MAIP1: variants seen among roughly 807,000 people sequenced by gnomAD.
MAIP1 encodes the protein m-AAA protease-interacting protein 1, mitochondrial.
MAIP1 carries 28 observed loss-of-function variants against 31.2 expected under a neutral mutation model. The observed-to-expected ratio is 0.90, with a 90% CI of 0.67 to 1.23. The LOEUF (loss-of-function observed/expected upper bound fraction) is 1.23. Ranked by LOEUF, MAIP1 falls within the 50% of genes most tolerant of loss-of-function variation. The pLI is 0.00. For missense variants in MAIP1, 339 were observed against 356.0 expected (o/e 0.95, Z 0.38); for synonymous variants, 142 against 142.3 (o/e 1.00, Z 0.02).
rs1393768587 is a variant in MAIP1 at position 199,961,797 on chromosome 2, C to T, written c.666C>T (p.Asn222=). Residue 222 remains asparagine (N), a synonymous_variant, in exon 4 of 5, where the codon AAC becomes AAT. Transcript: ENST00000392290. ...YYDEKGRKFV[N]ILMCFWYLTS... ...TTCTCTAAGGAAGGAAGTTTGTTAA[C>T]ATCCTGATGTGCTTTTGGTATCTAA... 3 of 1,612,734 alleles carry T rather than the reference C, an allele frequency of 1.9e-6. No homozygotes were observed. The highest frequency in any genetic ancestry group is 4.5e-5 in the East Asian group (2 of 44,840).
chr2:199,963,013 A>C (rs2077644533), intron 4 of MAIP1, among the ~76,000 whole-genome samples: 1 of 152,182 alleles, frequency 6.6e-6, no homozygotes, highest in Non-Finnish European at 1.5e-5. Context: ...CTAAGGTAAA[A>C]GAGAATTATA....
At chr2:199,956,707 A>G (rs1169366022) in intron 1 of MAIP1, among the ~76,000 whole-genome samples, 1 of 152,234 alleles carries the variant, frequency 6.6e-6, no homozygotes, top group African/African-American at 2.4e-5. Context: ...AATAATTGAG[A>G]TAACATTTCC....
In MAIP1 at chr2:199,959,869, A is replaced by G. The variant is rs769958661; in HGVS notation, c.638A>G (p.Tyr213Cys). The G allele has an allele frequency of 1.9e-6, 3 of 1,612,200 alleles. No homozygotes were observed. The highest frequency in any genetic ancestry group is 2.2e-5 in the South Asian group (2 of 90,960). The change falls in exon 3 of 5, where the codon TAT becomes TGT. Residue 213 changes from tyrosine to cysteine, a missense_variant. By Grantham distance (194) the Tyr-to-Cys change is radical (BLOSUM62 -2). Coordinates refer to ENST00000392290, the MANE Select transcript of MAIP1 (RefSeq NM_001394955.1). ...FTSTGDISIY[Y>C]DEKGRKFVNI... ...TCAACAGGAGACATCTCCATTTACT[A>G]TGATGAGAAAGGTAATACCAGAGCA... is the stretch of plus-strand genomic sequence containing the variant.
chr2:199,956,339 A>G (rs1255045477), intron 1 of MAIP1, 91 bp downstream of exon 1: 22 of 1,012,942 alleles, frequency 2.2e-5, no homozygotes, highest in Non-Finnish European at 3.1e-5. Context: ...CTTCACTGGG[A>G]TACAAGTGAT....
Position 199,959,279 on chromosome 2 carries a change from T to G in MAIP1, c.462T>G (p.His154Gln), listed in dbSNP as rs1347855187. ...FSEGAKQAFA[H>Q]VSKLLSQCKF... Reference sequence around the variant, plus strand: ...ATATTTTTTTCAAGGCTTTTGCTCATGTATCCAAGTTGCTGTCACAGTGTA... The same window carrying G: ...ATATTTTTTTCAAGGCTTTTGCTCAGGTATCCAAGTTGCTGTCACAGTGTA... Residue 154 changes from histidine to glutamine, a missense_variant, in exon 2 of 5, where the codon CAT (histidine) becomes CAG (glutamine). His to Gln is a conservative substitution (Grantham distance 24). Transcript: ENST00000392290. 6.3e-7 allele frequency: 1 copy of G among 1,580,938 alleles called. No homozygotes were observed. Among genetic ancestry groups the G allele is most frequent in the Admixed American group, 1.7e-5 (1 of 59,918 alleles).
chr2:199,955,479 A>G (rs767946227), upstream of MAIP1: 2 of 1,613,296 alleles, frequency 1.2e-6, no homozygotes, highest in Non-Finnish European at 1.7e-6. Context: ...ATGGTTGCTC[A>G]CGCCTGCCCT....
In MAIP1 at chr2:199,955,644, C is replaced by T; in HGVS notation, c.-155C>T. On this transcript the variant is annotated 5_prime_UTR_variant, in exon 1 of 5. Transcript: ENST00000392290. ...TGCCGAAGGGCCTCGGCCTGGGCTG[C>T]GTGCTGGAGAGCGGGGACGGGGCCG... is the stretch of plus-strand genomic sequence containing the variant. 1 of 1,122,042 alleles carries T rather than the reference C, an allele frequency of 8.9e-7. No homozygotes were observed. The highest frequency in any genetic ancestry group is 1.2e-6 in the Non-Finnish European group (1 of 807,922). The allele number at this position is 1,122,042 out of a possible 1,614,324, so 69.5% of individuals were successfully genotyped here. A position where few individuals can be genotyped will look rare whatever the true frequency, so the allele number is the denominator to read the frequency against.
chr2:199,955,735 G>T lies in MAIP1; in HGVS notation c.-64G>T. ...AGTCTCTTTCTCCGACACCGCTGAG[G>T]CGGTTTCCCACCGACTTCCTTTCCA... is the stretch of plus-strand genomic sequence containing the variant. On this transcript the variant is annotated 5_prime_UTR_variant, in exon 1 of 5. Transcript: ENST00000392290. The T allele has an allele frequency of 1.4e-6, 2 of 1,447,334 alleles. No homozygotes were observed. Among genetic ancestry groups the T allele is most frequent in the Non-Finnish European group, 1.9e-6 (2 of 1,079,730 alleles). 89.7% of individuals were successfully genotyped at this position (1,447,334 alleles called of 1,614,324 possible).
intron 1 of MAIP1, among the ~76,000 whole-genome samples, chr2:199,958,146 G>T (rs1447807959): frequency 1.3e-5 from 2 of 152,152 alleles, no homozygotes; most frequent in African/African-American, 4.8e-5. Flanking sequence ...TGTCGGAGGG[G>T]TTGTTTTCTC....
In MAIP1 at chr2:199,960,167, T is replaced by C. The variant is rs530872331; in HGVS notation, c.649+287T>C. On this transcript the variant is annotated intron_variant, in intron 3 of 4. Transcript: ENST00000392290. ...GTTTGAGTGGCTCCCACGTCTCAAATAGAAAATATTTATGTTTCAGATTTC... is the reference window on the plus strand; with the variant it reads ...GTTTGAGTGGCTCCCACGTCTCAAACAGAAAATATTTATGTTTCAGATTTC... Among the ~76,000 whole-genome samples, 15 of 152,306 alleles carry C rather than the reference T, an allele frequency of 9.8e-5. No individual in the cohort carries two copies. The East Asian group carries it at 2.1e-3, about 22-fold the overall frequency.
Position 199,955,937 on chromosome 2 carries a change from C to G in MAIP1, c.139C>G (p.Leu47Val), listed in dbSNP as rs1266078180. ...ATLCYFCRCR[L>V]GLGAALFPRS... ...ACTTTGCTACTTCTGCCGCTGTCGC[C>G]TCGGCTTGGGAGCGGCGTTATTTCC... Residue 47 changes from leucine (L) to valine (V), a missense_variant, in exon 1 of 5, where the codon CTC becomes GTC. Physicochemically the swap from Leu to Val is conservative, Grantham distance 32. Transcript: ENST00000392290. 3.7e-6 allele frequency: 6 copies of G among 1,602,804 alleles called. No homozygotes were observed. In the Admixed American group the frequency reaches 8.5e-5, roughly 23 times the overall value.
chr2:199,955,712 T>G lies in MAIP1; in HGVS notation c.-87T>G. 7.5e-7 allele frequency: 1 copy of G among 1,340,730 alleles called. No homozygotes were observed. The highest frequency in any genetic ancestry group is 1.0e-6 in the Non-Finnish European group (1 of 988,908). 83.1% of individuals were successfully genotyped at this position (1,340,730 alleles called of 1,614,324 possible). ...GCAACAGGTCCACTTTGCTCTCCAG[T>G]CTCTTTCTCCGACACCGCTGAGGCG... On this transcript the variant is annotated 5_prime_UTR_variant, in exon 1 of 5. Coordinates refer to ENST00000392290, the MANE Select transcript of MAIP1 (RefSeq NM_001394955.1).
chr2:199,960,113 G>A (rs933215668), intron 3 of MAIP1, among the ~76,000 whole-genome samples: 12 of 152,172 alleles, frequency 7.9e-5, no homozygotes, highest in African/African-American at 2.9e-4. Context: ...TCACAGTAGA[G>A]AACATCATCA....
Position 199,961,855 on chromosome 2 carries a change from G to T in MAIP1, c.724G>T (p.Gly242Ter). ...SANIPSETLR[G>*]ASVFQVKLGN... ...CAACATCCCCAGTGAAACTTTAAGA[G>T]GAGCCAGTGTATTCCAGGTTAAGTT... The change falls in exon 4 of 5, where the codon GGA becomes TGA. Residue 242 changes from glycine to a stop codon, truncating the protein, a stop_gained. Coordinates refer to ENST00000392290, the MANE Select transcript of MAIP1 (RefSeq NM_001394955.1). LOFTEE classifies it high-confidence loss of function. 6.2e-7 allele frequency: 1 copy of T among 1,613,970 alleles called. No homozygotes were observed. The highest frequency in any genetic ancestry group is 1.7e-4 in the Middle Eastern group (1 of 6,060).
At chr2:199,956,363 TG>T in intron 1 of MAIP1, 115 bp downstream of exon 1, 3 of 854,182 alleles carry the variant, frequency 3.5e-6, no homozygotes, top group Non-Finnish European at 3.7e-6. Context: ...ACGTGATTAG[TG>T]GCCCAGACAT....
At position 199,961,893 on chromosome 2, in the gene MAIP1, T is replaced by C; in HGVS notation, c.762T>C (p.Asn254=). 2 of 1,613,718 alleles carry C rather than the reference T, an allele frequency of 1.2e-6. No homozygotes were observed. Among genetic ancestry groups the C allele is most frequent in the South Asian group, 1.1e-5 (1 of 90,936 alleles). Residue 254 remains asparagine, a synonymous_variant, in exon 4 of 5, where the codon AAT becomes AAC. Coordinates refer to ENST00000392290, the MANE Select transcript of MAIP1 (RefSeq NM_001394955.1). Reference sequence around the variant, plus strand: ...TCCAGGTTAAGTTGGGGAATCAGAATGTGGAAACTAAACAACTTCTTAGTG... The same window carrying C: ...TCCAGGTTAAGTTGGGGAATCAGAACGTGGAAACTAAACAACTTCTTAGTG... The part of the protein sequence containing the change: ...SVFQVKLGNQ[N]VETKQLLSAS...
chr2:199,960,329 C>G (rs1239044172), intron 3 of MAIP1, among the ~76,000 whole-genome samples: 1 of 152,156 alleles, frequency 6.6e-6, no homozygotes, highest in Non-Finnish European at 1.5e-5. Context: ...CAAATTGGAT[C>G]TATTTGAGAA....
intron 3 of MAIP1, among the ~76,000 whole-genome samples, chr2:199,961,104 A>G (rs971416299): frequency 6.6e-6 from 1 of 152,140 alleles, no homozygotes; most frequent in African/African-American, 2.4e-5. Flanking sequence ...GAGCAGCAAA[A>G]AATATTTTTT....
rs1473696653 is a variant in MAIP1, at chr2:199,956,026, C to T, written c.228C>T (p.Leu76=). Residue 76 remains leucine (L), a synonymous_variant, in exon 1 of 5, where the codon CTC becomes CTT. Transcript: ENST00000392290. The stretch of plus-strand genomic sequence containing the variant: ...CCCAGGGCTCCCGGTGGCCAGTGCT[C>T]AGCAGCCCGGGACTCCCCGCAGCCT... ...LPAQGSRWPV[L]SSPGLPAAFA... 3.1e-6 allele frequency: 5 copies of T among 1,609,382 alleles called. No homozygotes were observed. Among genetic ancestry groups the T allele is most frequent in the African/African-American group, 1.3e-5 (1 of 74,842 alleles).
Sources: allele counts gnomAD v4.1 joint callset (sites outside exome capture counted in the v4.1 genomes callset), GRCh38; gene constraint gnomAD v4.1.1; transcripts MANE v1.5; gene names NCBI Gene and HGNC (gene_info 2026-07-23, HGNC 2026-07-21).